LUZP2: variants seen among roughly 807,000 people sequenced by gnomAD.
LUZP2 encodes the protein leucine zipper protein 2.
A neutral mutation model predicts 51.6 loss-of-function variants in LUZP2; 52 were observed. The observed-to-expected ratio is 1.01, with a 90% CI of 0.81 to 1.27. The LOEUF (loss-of-function observed/expected upper bound fraction) is 1.27. Among genes scored for constraint, LUZP2 ranks in the 50% most tolerant of loss-of-function variants. The probability of loss-of-function intolerance (pLI) is 0.00; values close to 1 mark genes in which losing one functional copy is unlikely to be tolerated. For missense variants in LUZP2, 436 were observed against 395.4 expected, an observed-to-expected ratio of 1.10 and a Z score of -0.87; for synonymous variants, 154 against 137.3, an observed-to-expected ratio of 1.12 and a Z score of -0.85.
chr11:24,564,070 C>G (rs984909016), intron 1 of LUZP2, among the ~76,000 whole-genome samples: 31 of 152,090 alleles, frequency 2.0e-4, no homozygotes, highest in African/African-American at 7.0e-4. Context: ...TGAACTGCCC[C>G]ATTACCTGCT....
intron 5 of LUZP2, among the ~76,000 whole-genome samples, chr11:24,877,648 A>G (rs1852316058): frequency 1.3e-5 from 2 of 152,080 alleles, no homozygotes; most frequent in African/African-American, 4.8e-5. Context: ...ATTATTGATT[A>G]TTGTCACCCT....
chr11:24,784,952 A>C (rs1240856391), intron 5 of LUZP2, among the ~76,000 whole-genome samples: 3 of 152,070 alleles, frequency 2.0e-5, no homozygotes, highest in Non-Finnish European at 2.9e-5. Flanking sequence ...ATTAGAATTC[A>C]CTTGGGATTA....
At chr11:24,923,695 G>T (rs1191315635) in intron 7 of LUZP2, among the ~76,000 whole-genome samples, 1 of 151,904 alleles carries the variant, frequency 6.6e-6, no homozygotes, top group Non-Finnish European at 1.5e-5. Flanking sequence ...AAAAAAGACA[G>T]GCTACAAACT....
At chr11:24,771,591 T>TGAATTACATGAATTAAG (rs1471422424) in intron 5 of LUZP2, among the ~76,000 whole-genome samples, 1 of 151,522 alleles carries the variant, frequency 6.6e-6, no homozygotes, top group Non-Finnish European at 1.5e-5. Context: ...CTAGTACTAA[T>TGAATTACATGAATTAAG]GAATTACATG....
At chr11:24,619,906 G>T (rs1854436794) in intron 1 of LUZP2, among the ~76,000 whole-genome samples, 1 of 152,088 alleles carries the variant, frequency 6.6e-6, no homozygotes, top group Non-Finnish European at 1.5e-5. Context: ...AGAACCTGCA[G>T]ATAAGGAAGG....
chr11:24,676,234 A>G (rs1335701683), intron 1 of LUZP2, among the ~76,000 whole-genome samples: 1 of 152,218 alleles, frequency 6.6e-6, no homozygotes, highest in African/African-American at 2.4e-5. Flanking sequence ...ATAATATTAG[A>G]TCATGAAAGA....
chr11:24,970,062 A>G (rs908268274), intron 7 of LUZP2, among the ~76,000 whole-genome samples: 1 of 152,194 alleles, frequency 6.6e-6, no homozygotes, highest in African/African-American at 2.4e-5. Context: ...TTAGAATTTT[A>G]TTTTAGAAAC....
chr11:24,520,121 T>A (rs904888917), intron 1 of LUZP2, among the ~76,000 whole-genome samples: 2 of 152,188 alleles, frequency 1.3e-5, no homozygotes, highest in Non-Finnish European at 2.9e-5. Flanking sequence ...TGGAGAATTT[T>A]GAATGGGAGA....
At chr11:24,998,525 A>T (rs1242271215) in intron 9 of LUZP2, among the ~76,000 whole-genome samples, 1 of 152,164 alleles carries the variant, frequency 6.6e-6, no homozygotes, top group Non-Finnish European at 1.5e-5. Flanking sequence ...TTTGGGTGAG[A>T]CAATGGGGTT....
At chr11:24,836,665 A>C (rs1028448930) in intron 5 of LUZP2, among the ~76,000 whole-genome samples, 1 of 152,024 alleles carries the variant, frequency 6.6e-6, no homozygotes, top group South Asian at 2.1e-4. Context: ...GATACTACAC[A>C]AGGGAACTGA....
At chr11:24,701,627 A>G (rs1197643702) in intron 1 of LUZP2, 1 of 152,636 alleles carries the variant, frequency 6.6e-6, no homozygotes, top group Non-Finnish European at 1.5e-5. Flanking sequence ...TGTACAGTCC[A>G]GAAGAAGATT....
intron 5 of LUZP2, among the ~76,000 whole-genome samples, chr11:24,870,103 G>C (rs1852014316): frequency 6.6e-6 from 1 of 152,126 alleles, no homozygotes; most frequent in Non-Finnish European, 1.5e-5. Flanking sequence ...GCCAAAGCCT[G>C]CTCTAAATCA....
chr11:24,909,964 C>A (rs563955222), intron 6 of LUZP2, among the ~76,000 whole-genome samples: 1 of 152,192 alleles, frequency 6.6e-6, no homozygotes, highest in African/African-American at 2.4e-5. Context: ...AGAGACTTCA[C>A]AAATGGTTTG....
chr11:24,576,201 A>G (rs1852639738), intron 1 of LUZP2, among the ~76,000 whole-genome samples: 1 of 152,010 alleles, frequency 6.6e-6, no homozygotes, highest in Admixed American at 6.6e-5. Flanking sequence ...TCACGAGGTC[A>G]GGAGTTCGAG....
chr11:24,686,981 G>GCA (rs1856914747), intron 1 of LUZP2, among the ~76,000 whole-genome samples: 1 of 152,074 alleles, frequency 6.6e-6, no homozygotes, highest in South Asian at 2.1e-4. Context: ...GTGCCCCAAG[G>GCA]CGACCAGCAG....
intron 7 of LUZP2, among the ~76,000 whole-genome samples, chr11:24,919,985 A>G (rs1346335428): frequency 1.3e-5 from 2 of 151,808 alleles, no homozygotes; most frequent in Admixed American, 6.6e-5. Flanking sequence ...AACCATGACA[A>G]GTTGTGTTCC....
intron 1 of LUZP2, among the ~76,000 whole-genome samples, chr11:24,640,612 T>C (rs1053009660): frequency 2.0e-5 from 3 of 151,858 alleles, no homozygotes; most frequent in Non-Finnish European, 4.4e-5. Context: ...AACTAAACTG[T>C]GAAAAATATC....
intron 1 of LUZP2, among the ~76,000 whole-genome samples, chr11:24,546,431 C>T (rs1354472107): frequency 6.6e-6 from 1 of 152,022 alleles, no homozygotes; most frequent in Non-Finnish European, 1.5e-5. Context: ...CCATAAATGG[C>T]TCCTATTATT....
chr11:24,821,953 T>G (rs1244877331), intron 5 of LUZP2, among the ~76,000 whole-genome samples: 1 of 150,794 alleles, frequency 6.6e-6, no homozygotes, highest in Non-Finnish European at 1.5e-5. Context: ...TAAAACTAAC[T>G]TCTGTTCATA....
Sources: gnomAD v4.1 joint callset for allele counts (sites outside exome capture counted in the v4.1 genomes callset) on GRCh38, gnomAD v4.1.1 for gene constraint, MANE v1.5 for transcripts, NCBI Gene and HGNC (gene_info 2026-07-23, HGNC 2026-07-21) for gene names.